ZNF430: variants seen among roughly 807,000 people sequenced by gnomAD.
ZNF430 encodes zinc finger protein 430.
In ZNF430, 35 loss-of-function variants were observed where a neutral mutation model predicts 56.7. That is an observed-to-expected ratio of 0.62 (90% CI 0.47 to 0.82). ZNF430 has a LOEUF of 0.82. Among genes scored for constraint, ZNF430 ranks in the 40% least tolerant of loss-of-function variants. The probability of loss-of-function intolerance (pLI) is 0.00; values close to 1 mark genes in which losing one functional copy is unlikely to be tolerated. For missense variants in ZNF430, 574 were observed against 661.0 expected (o/e 0.87, Z 1.44); for synonymous variants, 212 against 224.3 (o/e 0.94, Z 0.49).
chr19:21,049,206 GAT>G (rs986326438), intron 4 of ZNF430, among the ~76,000 whole-genome samples: 1 of 116,590 alleles, frequency 8.6e-6, no homozygotes, highest in African/African-American at 3.0e-5. Context: ...AAGTAAAAAA[GAT>G]ATATTTTAAC....
intron 2 of ZNF430, among the ~76,000 whole-genome samples, chr19:21,032,570 A>G (rs1023687403): frequency 6.6e-6 from 1 of 152,176 alleles, no homozygotes; most frequent in Non-Finnish European, 1.5e-5. Flanking sequence ...TTTACTAAAA[A>G]TACAAAATTA....
intron 2 of ZNF430, among the ~76,000 whole-genome samples, chr19:21,026,827 CTTTTTTT>C (rs747809260): frequency 8.7e-5 from 6 of 68,716 alleles, no homozygotes; most frequent in Non-Finnish European, 1.3e-4. Flanking sequence ...CTTTTCTTTT[CTTTTTTT>C]TTTTTTTTTT....
chr19:21,053,269 G>A (rs1968314643), intron 4 of ZNF430, among the ~76,000 whole-genome samples: 2 of 152,070 alleles, frequency 1.3e-5, no homozygotes, highest in African/African-American at 2.4e-5. Flanking sequence ...GGAGGGGGGT[G>A]ATGACTCAGT....
intron 2 of ZNF430, among the ~76,000 whole-genome samples, chr19:21,026,749 T>C (rs1233600105): frequency 6.6e-6 from 1 of 151,898 alleles, no homozygotes; most frequent in African/African-American, 2.4e-5. Flanking sequence ...GTTTTGAAGA[T>C]ATAGAATCAT....
At position 21,057,845 on chromosome 19, in the gene ZNF430, T is replaced by C. The variant is rs1968408736; in HGVS notation, c.1537T>C (p.Tyr513His). ...GATAACTCATATTGGAGATACATCT[T>C]ACAAATACCTAGAATGTGATAAAGC... ...HKITHIGDTSYKYLECDKAFS... is the reference protein window; with the variant it reads ...HKITHIGDTSHKYLECDKAFS... The change falls in exon 5 of 5, where the codon TAC (tyrosine) becomes CAC (histidine). Residue 513 changes from tyrosine to histidine, a missense_variant. This residue lies in a region of ZNF430 where 213 missense variants were observed against 221.0 expected (regional missense o/e 0.96). Transcript: ENST00000261560. 13 of 1,613,970 alleles carry C rather than the reference T, an allele frequency of 8.1e-6. No individual in the cohort carries two copies. The highest frequency in any genetic ancestry group is 1.0e-5 in the Non-Finnish European group (12 of 1,179,968).
intron 2 of ZNF430, among the ~76,000 whole-genome samples, chr19:21,024,719 G>T (rs1315237188): frequency 6.6e-6 from 1 of 151,924 alleles, no homozygotes; most frequent in Non-Finnish European, 1.5e-5. Context: ...GGTGGAGCTG[G>T]CAGTGAGCCT....
chr19:21,056,559 T>G (rs1968381659), intron 4 of ZNF430, 72 bp from the exon 5 acceptor site: 1 of 1,127,166 alleles, frequency 8.9e-7, no homozygotes, highest in Non-Finnish European at 1.2e-6. Context: ...TATAATTATA[T>G]GGGTTAGATT....
At position 21,057,998 on chromosome 19, in the gene ZNF430, T is replaced by G. The variant is rs1436043957; in HGVS notation, c.1690T>G (p.Trp564Gly). 2.5e-6 allele frequency: 4 copies of G among 1,612,378 alleles called. No individual in the cohort carries two copies. The highest frequency in any genetic ancestry group is 3.4e-6 in the Non-Finnish European group (4 of 1,179,418). The change falls in exon 5 of 5, where the codon TGG becomes GGG. Residue 564 changes from tryptophan to glycine, a missense_variant. Coordinates refer to ENST00000261560, the MANE Select transcript of ZNF430 (RefSeq NM_025189.4). The stretch of plus-strand genomic sequence containing the variant: ...CCTTATTGAACAAAGTAATTCATAC[T>G]GGAGAGAAACCCTACAAATGTGAAG... ...SNLIEQSNSYWRETLQM is the reference protein window; with the variant it reads ...SNLIEQSNSYGRETLQM
chr19:21,023,649 A>G (rs1599487454), intron 2 of ZNF430, among the ~76,000 whole-genome samples: 2 of 152,152 alleles, frequency 1.3e-5, no homozygotes, highest in South Asian at 2.1e-4. Flanking sequence ...ATTTTTTTGT[A>G]GAAAATAAAT....
At chr19:21,056,229 C>T (rs73018975) in intron 4 of ZNF430, among the ~76,000 whole-genome samples, 10,780 of 151,916 alleles carry the variant, frequency 0.071, 459 homozygotes, top group Non-Finnish European at 0.086. Context: ...TGCCAAAGTG[C>T]GGTAATCCCA....
intron 4 of ZNF430, chr19:21,036,702 C>T (rs1388600707): frequency 6.6e-6 from 1 of 150,798 alleles, no homozygotes; most frequent in Non-Finnish European, 1.5e-5. Flanking sequence ...ACTTGCAAGA[C>T]TGAGGTGGGA....
At position 21,034,121 on chromosome 19, in the gene ZNF430, T is replaced by G. The variant is rs1967951356; in HGVS notation, c.259T>G (p.Cys87Gly). ...IAVSKPDLIT[C>G]LEQGKEPWNM... ...TGTTTCTAAGCCAGACCTGATCACC[T>G]GTCTAGAGCAAGGAAAAGAGCCCTG... Residue 87 changes from cysteine (C) to glycine (G), a missense_variant, in exon 4 of 5, where the codon TGT becomes GGT. By Grantham distance (159) the Cys-to-Gly change is radical. Coordinates refer to ENST00000261560, the MANE Select transcript of ZNF430 (RefSeq NM_025189.4). The G allele has an allele frequency of 6.2e-7, 1 of 1,613,024 alleles. No homozygotes were observed. Among genetic ancestry groups the G allele is most frequent in the Admixed American group, 1.7e-5 (1 of 59,760 alleles).
At chr19:21,049,461 A>G (rs1287772991) in intron 4 of ZNF430, 1 of 152,052 alleles carries the variant, frequency 6.6e-6, no homozygotes, top group Non-Finnish European at 1.5e-5. Context: ...TTTATTTTTC[A>G]ACAAAATGGA....
chr19:21,045,354 G>A (rs1968170033), intron 4 of ZNF430, among the ~76,000 whole-genome samples: 2 of 152,166 alleles, frequency 1.3e-5, no homozygotes, highest in South Asian at 4.1e-4. Context: ...TCAGGAGCAG[G>A]TTGTTCAATT....
intron 4 of ZNF430, among the ~76,000 whole-genome samples, chr19:21,051,600 T>C: frequency 6.6e-6 from 1 of 152,188 alleles, no homozygotes; most frequent in East Asian, 1.9e-4. Flanking sequence ...TTCAAGTGAT[T>C]CTCCTGCCTC....
intron 4 of ZNF430, among the ~76,000 whole-genome samples, chr19:21,038,068 T>C (rs1968034889): frequency 6.6e-6 from 1 of 152,190 alleles, no homozygotes; most frequent in Admixed American, 6.5e-5. Context: ...TATAGCATAG[T>C]TAATTTTTTG....
intron 4 of ZNF430, among the ~76,000 whole-genome samples, chr19:21,040,558 G>A (rs891321190): frequency 1.3e-5 from 2 of 152,192 alleles, no homozygotes; most frequent in African/African-American, 4.8e-5. Context: ...ACCAGAAGCA[G>A]ATACTGGCAC....
chr19:21,059,087 C>T lies in ZNF430; in HGVS notation c.*1066C>T, dbSNP rs558020546. ...TTTTCAAAAAGTACAGCTTAGAAGA[C>T]ACCAGAGTTCATACTAAAATATATT... On this transcript the variant is annotated 3_prime_UTR_variant, in exon 5 of 5. Coordinates refer to ENST00000261560, the MANE Select transcript of ZNF430 (RefSeq NM_025189.4). The T allele has an allele frequency of 6.6e-6, 1 of 152,242 alleles. No individual in the cohort carries two copies. Among genetic ancestry groups the T allele is most frequent in the African/African-American group, 2.4e-5 (1 of 41,558 alleles). 9.4% of individuals were successfully genotyped at this position (152,242 alleles called of 1,614,324 possible). A position where few individuals can be genotyped will look rare whatever the true frequency, so the allele number is the denominator to read the frequency against.
intron 4 of ZNF430, among the ~76,000 whole-genome samples, chr19:21,040,036 C>T (rs1213644224): frequency 6.6e-6 from 1 of 152,136 alleles, no homozygotes; most frequent in Non-Finnish European, 1.5e-5. Flanking sequence ...CAGAGTCTCA[C>T]TATATTATTC....
Sources: allele counts gnomAD v4.1 joint callset (sites outside exome capture counted in the v4.1 genomes callset), GRCh38; gene constraint gnomAD v4.1.1; regional missense constraint gnomAD v4.1.1; transcripts MANE v1.5; gene names NCBI Gene and HGNC (gene_info 2026-07-23, HGNC 2026-07-21).